Variants in PRKACB observed in about 807,000 individuals in gnomAD.
PRKACB encodes the protein protein kinase cAMP-activated catalytic subunit beta.
A neutral mutation model predicts 51.4 loss-of-function variants in PRKACB; 16 were observed. The observed-to-expected ratio is 0.31, with a 90% CI of 0.21 to 0.47. The LOEUF (loss-of-function observed/expected upper bound fraction) is 0.47. Ranked by LOEUF, PRKACB falls within the 20% of genes least tolerant of loss-of-function variation. The pLI is 1.00. For synonymous variants in PRKACB, 147 were observed against 154.4 expected (o/e 0.95, Z 0.35); for missense variants, 309 against 464.5 (o/e 0.67, Z 3.08).
chr1:84,231,707 G>C (rs1022304321), intron 9 of PRKACB, among the ~76,000 whole-genome samples: 1 of 152,010 alleles, frequency 6.6e-6, no homozygotes, highest in Non-Finnish European at 1.5e-5. Flanking sequence ...GTTTATTTGC[G>C]TAGAGGTGTT....
At chr1:84,220,869 C>T (rs927872067) in intron 9 of PRKACB, among the ~76,000 whole-genome samples, 2 of 151,908 alleles carry the variant, frequency 1.3e-5, no homozygotes, top group Non-Finnish European at 2.9e-5. Flanking sequence ...ATTTTTGTGT[C>T]TGTATTTCTC....
intron 1 of PRKACB, among the ~76,000 whole-genome samples, chr1:84,109,763 T>G (rs1458749978): frequency 1.3e-5 from 2 of 151,920 alleles, no homozygotes; most frequent in African/African-American, 2.4e-5. Context: ...TTATGTTTAT[T>G]GCTAATTTTT....
At chr1:84,099,253 T>G (rs1649156679) in intron 1 of PRKACB, among the ~76,000 whole-genome samples, 1 of 152,126 alleles carries the variant, frequency 6.6e-6, no homozygotes, top group East Asian at 1.9e-4. Context: ...GCAAAGTACT[T>G]TTTAAAACTT....
intron 1 of PRKACB, among the ~76,000 whole-genome samples, chr1:84,091,013 C>T (rs565796324): frequency 1.4e-4 from 21 of 152,054 alleles, no homozygotes; most frequent in Non-Finnish European, 2.6e-4. Flanking sequence ...ATTTAAAAAA[C>T]GTGTACCCCT....
intron 7 of PRKACB, among the ~76,000 whole-genome samples, chr1:84,198,892 G>A (rs1668990372): frequency 6.8e-6 from 1 of 146,328 alleles, no homozygotes; most frequent in African/African-American, 2.5e-5. Context: ...GTATATATGT[G>A]TATATATATA....
intron 5 of PRKACB, among the ~76,000 whole-genome samples, chr1:84,188,546 T>A (rs1012658129): frequency 6.6e-6 from 1 of 151,954 alleles, no homozygotes; most frequent in Non-Finnish European, 1.5e-5. Flanking sequence ...ATTTCTATTT[T>A]ATCTAGCATT....
At chr1:84,113,135 G>T (rs1167880656) in intron 1 of PRKACB, among the ~76,000 whole-genome samples, 1 of 152,142 alleles carries the variant, frequency 6.6e-6, no homozygotes, top group Admixed American at 6.6e-5. Flanking sequence ...AGTGAAATAT[G>T]ATTTAAAATG....
intron 7 of PRKACB, among the ~76,000 whole-genome samples, chr1:84,202,143 C>T (rs551550127): frequency 7.9e-5 from 12 of 152,028 alleles, no homozygotes; most frequent in African/African-American, 2.7e-4. Context: ...TTTGCTTTCA[C>T]AAAATCCTAT....
chr1:84,168,702 T>C (rs144500563), intron 1 of PRKACB, among the ~76,000 whole-genome samples: 22 of 151,724 alleles, frequency 1.5e-4, no homozygotes, highest in African/African-American at 5.1e-4. Context: ...TTGAGTAGCT[T>C]TTCTTTATGG....
intron 1 of PRKACB, among the ~76,000 whole-genome samples, chr1:84,124,734 G>A (rs1651413297): frequency 1.3e-5 from 2 of 152,130 alleles, no homozygotes; most frequent in South Asian, 4.1e-4. Flanking sequence ...TGGTAGTGGT[G>A]GTTGAGGGAA....
At chr1:84,155,120 G>A (rs1003969154) in intron 1 of PRKACB, among the ~76,000 whole-genome samples, 2 of 151,992 alleles carry the variant, frequency 1.3e-5, no homozygotes, top group African/African-American at 2.4e-5. Flanking sequence ...ATATTATCTT[G>A]TATATTAAAG....
chr1:84,098,078 C>T (rs2100797253), intron 1 of PRKACB, among the ~76,000 whole-genome samples: 1 of 151,992 alleles, frequency 6.6e-6, no homozygotes, highest in East Asian at 1.9e-4. Flanking sequence ...TTTTTGTTTC[C>T]CTGATGATTA....
At chr1:84,187,980 A>G (rs986858032) in intron 5 of PRKACB, among the ~76,000 whole-genome samples, 7 of 152,108 alleles carry the variant, frequency 4.6e-5, no homozygotes, top group Non-Finnish European at 1.0e-4. Flanking sequence ...CCTTAGTAAT[A>G]TAATCAGTGT....
At chr1:84,153,069 T>C (rs1655031161) in intron 1 of PRKACB, among the ~76,000 whole-genome samples, 1 of 152,032 alleles carries the variant, frequency 6.6e-6, no homozygotes, top group Admixed American at 6.6e-5. Flanking sequence ...TCAGTATTGC[T>C]GTGTCTTAGG....
At chr1:84,086,159 G>A in intron 1 of PRKACB, 1 of 1,597,186 alleles carries the variant, frequency 6.3e-7, no homozygotes, top group African/African-American at 1.3e-5. Flanking sequence ...GAAGAATGGG[G>A]ATGTGGTGGA....
chr1:84,191,095 T>A (rs1666657210), intron 5 of PRKACB, among the ~76,000 whole-genome samples: 1 of 152,098 alleles, frequency 6.6e-6, no homozygotes, highest in South Asian at 2.1e-4. Flanking sequence ...GACTTGATTG[T>A]GTAATTGCTT....
intron 8 of PRKACB, among the ~76,000 whole-genome samples, chr1:84,203,435 T>C (rs1435215040): frequency 1.3e-5 from 2 of 151,994 alleles, no homozygotes; most frequent in Non-Finnish European, 2.9e-5. Context: ...TTTGCACTTA[T>C]AACCTCTAAT....
chr1:84,092,665 C>T (rs1363970011), intron 1 of PRKACB, among the ~76,000 whole-genome samples: 1 of 152,116 alleles, frequency 6.6e-6, no homozygotes, highest in Non-Finnish European at 1.5e-5. Context: ...GTAAATACCA[C>T]CAAATAAATT....
At chr1:84,175,990 A>G (rs1661114836) in intron 1 of PRKACB, among the ~76,000 whole-genome samples, 1 of 151,714 alleles carries the variant, frequency 6.6e-6, no homozygotes, top group South Asian at 2.1e-4. Flanking sequence ...CAGAAAAATC[A>G]TTCTTTGAAG....
Sources: allele counts gnomAD v4.1 joint callset (sites outside exome capture counted in the v4.1 genomes callset), GRCh38; gene constraint gnomAD v4.1.1; transcripts MANE v1.5; gene names NCBI Gene and HGNC (gene_info 2026-07-23, HGNC 2026-07-21).